Variants in TPTE2 observed in about 807,000 individuals in gnomAD.
TPTE2 encodes the protein transmembrane phosphoinositide 3-phosphatase and tensin homolog 2, also known as phosphatidylinositol 3,4,5-trisphosphate 3-phosphatase TPTE2.
A neutral mutation model predicts 78.6 loss-of-function variants in TPTE2; 53 were observed. The ratio of observed to expected loss-of-function variants is 0.67; its 90% CI spans 0.54 to 0.85. The LOEUF (loss-of-function observed/expected upper bound fraction) is 0.85, where lower values mean the gene tolerates loss of function less well. Ranked by LOEUF, TPTE2 falls within the 40% of genes least tolerant of loss-of-function variation. TPTE2 has a pLI of 0.00. For synonymous variants in TPTE2, 175 were observed against 206.2 expected, an observed-to-expected ratio of 0.85 and a Z score of 1.30; for missense variants, 461 against 623.0, an observed-to-expected ratio of 0.74 and a Z score of 2.77.
intron 1 of TPTE2, among the ~76,000 whole-genome samples, chr13:19,503,018 C>A (rs1211901062): frequency 6.6e-6 from 1 of 152,134 alleles, no homozygotes; most frequent in Non-Finnish European, 1.5e-5. Flanking sequence ...AAAAGCTTCT[C>A]AGAATAAACT....
intron 6 of TPTE2, among the ~76,000 whole-genome samples, chr13:19,472,344 T>C (rs1182115884): frequency 6.6e-6 from 1 of 152,196 alleles, no homozygotes; most frequent in African/African-American, 2.4e-5. Flanking sequence ...GCATGCATCA[T>C]TGTTTTTTAT....
At chr13:19,521,851 T>G (rs1870170127) in intron 1 of TPTE2, among the ~76,000 whole-genome samples, 1 of 152,180 alleles carries the variant, frequency 6.6e-6, no homozygotes, top group Non-Finnish European at 1.5e-5. Context: ...TCAACCCATT[T>G]ATGAGAATTG....
At chr13:19,555,769 G>C in the TPTE2 span, among the ~76,000 whole-genome samples, 2 of 147,726 alleles carry the variant, frequency 1.4e-5, no homozygotes, top group Non-Finnish European at 3.0e-5. Context: ...TCTTTTGGCT[G>C]GACAACAGCA....
At chr13:19,536,842 A>C (rs1427343532), upstream of TPTE2, 1 of 151,836 alleles carries the variant, frequency 6.6e-6, no homozygotes, top group Non-Finnish European at 1.5e-5. Flanking sequence ...ATTGATTTTC[A>C]TAAATTATGT....
At chr13:19,452,951 T>A (rs1213664410) in intron 10 of TPTE2, among the ~76,000 whole-genome samples, 8 of 145,820 alleles carry the variant, frequency 5.5e-5, no homozygotes, top group Non-Finnish European at 1.1e-4. Flanking sequence ...CCTTCATATT[T>A]TTTTATTTTA....
chr13:19,428,503 C>T (rs1236562956), intron 17 of TPTE2, among the ~76,000 whole-genome samples: 3 of 151,956 alleles, frequency 2.0e-5, no homozygotes, highest in South Asian at 4.2e-4. Context: ...CAAACAATGT[C>T]GGGCAGTGTG....
intron 17 of TPTE2, among the ~76,000 whole-genome samples, chr13:19,430,237 A>G (rs548907665): frequency 2.6e-5 from 4 of 152,348 alleles, no homozygotes; most frequent in African/African-American, 7.2e-5. Flanking sequence ...GCAAAGCAAC[A>G]CTGACCAGAA....
chr13:19,538,572 A>G (rs952780705), upstream of TPTE2, among the ~76,000 whole-genome samples: 1 of 151,408 alleles, frequency 6.6e-6, no homozygotes, highest in Non-Finnish European at 1.5e-5. Flanking sequence ...TCTGTTGCCC[A>G]GGATGGAGTG....
At chr13:19,483,295 T>A (rs538165781) in intron 3 of TPTE2, among the ~76,000 whole-genome samples, 2 of 152,244 alleles carry the variant, frequency 1.3e-5, no homozygotes, top group Non-Finnish European at 2.9e-5. Context: ...GGTCCTGGAC[T>A]TTGTTGAAAG....
intron 4 of TPTE2, among the ~76,000 whole-genome samples, chr13:19,476,155 G>C (rs1388773366): frequency 6.6e-6 from 1 of 152,146 alleles, no homozygotes; most frequent in African/African-American, 2.4e-5. Context: ...ATGAACTTCA[G>C]AGGTAAGACA....
chr13:19,547,036 T>C, the TPTE2 span, among the ~76,000 whole-genome samples: 50 of 150,218 alleles, frequency 3.3e-4, no homozygotes, highest in Middle Eastern at 3.5e-3. Context: ...TTACCAAGGA[T>C]AGCCCTCCTG....
At chr13:19,530,020 G>A (rs889933860) in intron 1 of TPTE2, among the ~76,000 whole-genome samples, 6 of 152,166 alleles carry the variant, frequency 3.9e-5, no homozygotes, top group African/African-American at 1.2e-4. Context: ...TCCTGCATTT[G>A]TGGTCATCTT....
chr13:19,545,454 T>C, the TPTE2 span, among the ~76,000 whole-genome samples: 2 of 152,188 alleles, frequency 1.3e-5, no homozygotes, highest in Admixed American at 6.5e-5. Flanking sequence ...AATAAGTTGT[T>C]GGATTTATAA....
At chr13:19,466,456 A>G (rs1879274458) in intron 7 of TPTE2, among the ~76,000 whole-genome samples, 1 of 152,210 alleles carries the variant, frequency 6.6e-6, no homozygotes, top group African/African-American at 2.4e-5. Context: ...TGACCCATGA[A>G]CAAGCTTAGG....
At chr13:19,528,066 C>A (rs1593421523) in intron 1 of TPTE2, among the ~76,000 whole-genome samples, 4 of 152,078 alleles carry the variant, frequency 2.6e-5, no homozygotes, top group African/African-American at 9.7e-5. Context: ...CAGGCCAAAT[C>A]CTCAACTCTG....
At chr13:19,439,581 G>A (rs909987949) in intron 13 of TPTE2, among the ~76,000 whole-genome samples, 1 of 152,190 alleles carries the variant, frequency 6.6e-6, no homozygotes, top group Non-Finnish European at 1.5e-5. Context: ...CACTACCAAA[G>A]GATCACACTA....
At chr13:19,455,193 G>A (rs1318514676) in intron 10 of TPTE2, among the ~76,000 whole-genome samples, 1 of 152,086 alleles carries the variant, frequency 6.6e-6, no homozygotes, top group Non-Finnish European at 1.5e-5. Flanking sequence ...AGGTCTTTAG[G>A]TATTTACAAA....
chr13:19,548,474 G>C, the TPTE2 span, among the ~76,000 whole-genome samples: 1 of 151,788 alleles, frequency 6.6e-6, no homozygotes, highest in Non-Finnish European at 1.5e-5. Flanking sequence ...GTTCTTCTTG[G>C]CTCATATTAT....
chr13:19,561,554 C>T, the TPTE2 span, among the ~76,000 whole-genome samples: 17 of 152,174 alleles, frequency 1.1e-4, no homozygotes, highest in Non-Finnish European at 1.9e-4. Flanking sequence ...TCTTCCCGGC[C>T]GTTGCGATGA....
Sources: allele counts gnomAD v4.1 joint callset (sites outside exome capture counted in the v4.1 genomes callset), GRCh38; gene constraint gnomAD v4.1.1; transcripts MANE v1.5; gene names NCBI Gene and HGNC (gene_info 2026-07-23, HGNC 2026-07-21).